HIVEP3: variants seen among roughly 807,000 people sequenced by gnomAD.
HIVEP3 encodes the protein HIVEP zinc finger 3.
HIVEP3 carries 49 observed loss-of-function variants against 152.8 expected under a neutral mutation model. That is an observed-to-expected ratio of 0.32 (90% CI 0.26 to 0.41). The LOEUF is 0.41. HIVEP3 is among the 10% of genes least tolerant of loss of function. The probability of loss-of-function intolerance (pLI) is 1.00; values close to 1 mark genes in which losing one functional copy is unlikely to be tolerated. For synonymous variants in HIVEP3, 1,269 were observed against 1,289.0 expected, an observed-to-expected ratio of 0.98 and a Z score of 0.33; for missense variants, 2,790 against 3,103.3, an observed-to-expected ratio of 0.90 and a Z score of 2.40.
At chr1:41,880,321 G>A (rs1348578984) in intron 1 of HIVEP3, among the ~76,000 whole-genome samples, 1 of 152,138 alleles carries the variant, frequency 6.6e-6, no homozygotes, top group Non-Finnish European at 1.5e-5. Flanking sequence ...GAGATTACAG[G>A]AGTGAGCCAC....
Position 41,893,047 on chromosome 1 carries a change from C to T in HIVEP3, c.-801+25366G>A, listed in dbSNP as rs547288228. Among the ~76,000 whole-genome samples, 395 of 149,278 alleles carry T rather than the reference C, an allele frequency of 2.6e-3. 1 individual carries two copies. Among genetic ancestry groups the T allele is most frequent in the African/African-American group, 9.4e-3 (375 of 39,976 alleles). Reference sequence around the variant, plus strand: ...CTGAGGCAGGAGGACAGCTAGTGCCCGCAAGGTTGAGGCTGTAGCGAGCCA... The same window carrying T: ...CTGAGGCAGGAGGACAGCTAGTGCCTGCAAGGTTGAGGCTGTAGCGAGCCA... On this transcript the variant is annotated intron_variant, in intron 1 of 8. Coordinates refer to ENST00000372583, the MANE Select transcript of HIVEP3 (RefSeq NM_024503.5).
chr1:41,800,825 G>A (rs918940679), intron 1 of HIVEP3, among the ~76,000 whole-genome samples: 3 of 152,190 alleles, frequency 2.0e-5, no homozygotes, highest in Non-Finnish European at 4.4e-5. Context: ...CTCCCACATA[G>A]AGATGGGCTA....
At chr1:41,568,887 T>C (rs973459925) in intron 5 of HIVEP3, among the ~76,000 whole-genome samples, 1 of 152,164 alleles carries the variant, frequency 6.6e-6, no homozygotes, top group African/African-American at 2.4e-5. Flanking sequence ...GTAATGGAGA[T>C]GGGGCCTGGT....
rs7528323 is a variant in HIVEP3, at chr1:41,724,167, A to G, written c.-800-23172T>C. ...GTGGACTCTGACATCCCCTTCCACC[A>G]CTATCCACTGTCACCTTCCGAAGCC... On this transcript the variant is annotated intron_variant, in intron 1 of 8. Coordinates refer to ENST00000372583, the MANE Select transcript of HIVEP3 (RefSeq NM_024503.5). 8.7e-3 allele frequency among the ~76,000 whole-genome samples: 1,327 copies of G among 152,304 alleles called. 17 individuals are homozygous for G. The highest frequency in any genetic ancestry group is 0.03 in the African/African-American group (1,263 of 41,560).
chr1:41,931,816 T>TG (rs1644997202), intron 1 of HIVEP3, among the ~76,000 whole-genome samples: 1 of 152,038 alleles, frequency 6.6e-6, no homozygotes, highest in Non-Finnish European at 1.5e-5. Context: ...TCTTGCAACC[T>TG]TACTAAACTC....
chr1:41,770,135 AT>A (rs556820134), intron 1 of HIVEP3, among the ~76,000 whole-genome samples: 100 of 147,082 alleles, frequency 6.8e-4, no homozygotes, highest in African/African-American at 1.5e-3. Context: ...CGCCCGGCTA[AT>A]TTTTTTTTTT....
chr1:41,937,544 A>C (rs1446316051), intron 1 of HIVEP3, among the ~76,000 whole-genome samples: 1 of 152,210 alleles, frequency 6.6e-6, no homozygotes, highest in Non-Finnish European at 1.5e-5. Context: ...ATGTGATGTA[A>C]GTACAAAAGG....
chr1:42,023,051 C>G (rs920424745), intron 1 of HIVEP3, among the ~76,000 whole-genome samples: 1 of 151,994 alleles, frequency 6.6e-6, no homozygotes, highest in African/African-American at 2.4e-5. Flanking sequence ...TTTATTTTGA[C>G]ATAGAGTCTC....
chr1:41,950,058 A>G (rs1165905544), intron 1 of HIVEP3, among the ~76,000 whole-genome samples: 1 of 152,198 alleles, frequency 6.6e-6, no homozygotes, highest in Admixed American at 6.5e-5. Flanking sequence ...AGGTGACCGC[A>G]TCCACCTTTA....
chr1:41,895,474 T>A (rs1030512548), intron 1 of HIVEP3, among the ~76,000 whole-genome samples: 5 of 152,158 alleles, frequency 3.3e-5, no homozygotes, highest in Non-Finnish European at 7.3e-5. Context: ...GTGCTTAGGT[T>A]AACCAAAAAG....
intron 1 of HIVEP3, among the ~76,000 whole-genome samples, chr1:41,915,685 A>C (rs1431271651): frequency 6.6e-6 from 1 of 152,250 alleles, no homozygotes; most frequent in Non-Finnish European, 1.5e-5. Context: ...TATTATCCTA[A>C]TACCTATCAA....
At chr1:41,587,731 T>C (rs1382334162) in intron 3 of HIVEP3, among the ~76,000 whole-genome samples, 1 of 152,226 alleles carries the variant, frequency 6.6e-6, no homozygotes. Context: ...AAAGGTGATA[T>C]GATTTTCCCT....
At chr1:41,726,332 C>G (rs1421959483) in intron 1 of HIVEP3, among the ~76,000 whole-genome samples, 1 of 152,158 alleles carries the variant, frequency 6.6e-6, no homozygotes, top group East Asian at 1.9e-4. Flanking sequence ...GGCACCATCT[C>G]TAAGTTGTAA....
At chr1:41,707,521 G>A (rs1455157382) in intron 1 of HIVEP3, among the ~76,000 whole-genome samples, 1 of 152,244 alleles carries the variant, frequency 6.6e-6, no homozygotes, top group African/African-American at 2.4e-5. Context: ...TGGGAAGGGT[G>A]AGGAGGGTCT....
chr1:41,714,132 G>T (rs1646555222), intron 1 of HIVEP3, among the ~76,000 whole-genome samples: 2 of 152,220 alleles, frequency 1.3e-5, no homozygotes, highest in African/African-American at 4.8e-5. Context: ...CCAGCTCAGG[G>T]AGGGAGGGTG....
chr1:41,841,523 A>G (rs509851), intron 1 of HIVEP3, among the ~76,000 whole-genome samples: 71,842 of 151,920 alleles, frequency 0.47, 19,539 homozygotes, highest in African/African-American at 0.76. Flanking sequence ...GAACAGCCCT[A>G]TTTATTTTCT....
intron 1 of HIVEP3, among the ~76,000 whole-genome samples, chr1:41,865,008 G>A (rs1484058502): frequency 6.6e-6 from 1 of 152,214 alleles, no homozygotes; most frequent in Non-Finnish European, 1.5e-5. Flanking sequence ...GGCTGGGACA[G>A]TTAAACAGCA....
chr1:41,609,846 C>T (rs528273896), intron 3 of HIVEP3, among the ~76,000 whole-genome samples: 2 of 152,248 alleles, frequency 1.3e-5, no homozygotes, highest in South Asian at 2.1e-4. Flanking sequence ...GTTGGCTATG[C>T]CATAGGCCAA....
chr1:41,613,272 C>CA (rs1318046533), intron 3 of HIVEP3, among the ~76,000 whole-genome samples: 2 of 152,246 alleles, frequency 1.3e-5, no homozygotes, highest in African/African-American at 4.8e-5. Flanking sequence ...CCAGGCCACT[C>CA]ACAGCTCCCC....
Sources: gnomAD v4.1 joint callset for allele counts (sites outside exome capture counted in the v4.1 genomes callset) on GRCh38, gnomAD v4.1.1 for gene constraint, MANE v1.5 for transcripts, NCBI Gene and HGNC (gene_info 2026-07-23, HGNC 2026-07-21) for gene names.